The following PLPPR1 variants were observed in gnomAD, a reference collection of about 807,000 sequenced individuals.
PLPPR1 encodes the protein phospholipid phosphatase-related protein type 1.
Under a neutral mutation model 33.1 loss-of-function variants are expected in PLPPR1, and 10 were observed. The ratio of observed to expected loss-of-function variants is 0.30; its 90% CI spans 0.19 to 0.51. The LOEUF (loss-of-function observed/expected upper bound fraction) is 0.51. PLPPR1 is among the 20% of genes least tolerant of loss of function. The pLI is 0.97. For synonymous variants in PLPPR1, 151 were observed against 151.0 expected, an observed-to-expected ratio of 1.00 and a Z score of 0.00; for missense variants, 304 against 408.1, an observed-to-expected ratio of 0.74 and a Z score of 2.20.
intron 5 of PLPPR1, among the ~76,000 whole-genome samples, chr9:101,311,368 C>T (rs936655337): frequency 6.6e-6 from 1 of 152,174 alleles, no homozygotes; most frequent in Non-Finnish European, 1.5e-5. Context: ...ATCTTCTGAG[C>T]CGCTATTACA....
At chr9:101,211,142 T>C (rs1411169702) in intron 2 of PLPPR1, among the ~76,000 whole-genome samples, 1 of 152,118 alleles carries the variant, frequency 6.6e-6, no homozygotes, top group Non-Finnish European at 1.5e-5. Flanking sequence ...TCAGAAAAGA[T>C]AGGGGATTTC....
At chr9:101,183,918 A>G (rs1472785302) in intron 1 of PLPPR1, among the ~76,000 whole-genome samples, 1 of 151,750 alleles carries the variant, frequency 6.6e-6, no homozygotes, top group African/African-American at 2.4e-5. Flanking sequence ...CTTCTTGAAC[A>G]TGATTAATAT....
At chr9:101,164,714 A>G (rs1255895808) in intron 1 of PLPPR1, among the ~76,000 whole-genome samples, 2 of 152,072 alleles carry the variant, frequency 1.3e-5, no homozygotes, top group African/African-American at 2.4e-5. Flanking sequence ...ACATTTTGAT[A>G]GCATTATAAA....
At chr9:101,283,452 A>T (rs1828337075) in intron 3 of PLPPR1, among the ~76,000 whole-genome samples, 1 of 152,240 alleles carries the variant, frequency 6.6e-6, no homozygotes, top group Non-Finnish European at 1.5e-5. Flanking sequence ...AAAACTGGCT[A>T]TCCACATGCA....
intron 2 of PLPPR1, among the ~76,000 whole-genome samples, chr9:101,233,824 A>G (rs960618394): frequency 1.3e-5 from 2 of 151,976 alleles, no homozygotes; most frequent in African/African-American, 4.8e-5. Flanking sequence ...TCAGTTATTC[A>G]GAAAGTGGCC....
chr9:101,323,640 T>C (rs1315786597), intron 7 of PLPPR1, among the ~76,000 whole-genome samples: 3 of 151,874 alleles, frequency 2.0e-5, no homozygotes. Context: ...GGGAGTTCGA[T>C]ACCAGCCTGA....
chr9:101,034,755 G>T (rs1829989557), intron 1 of PLPPR1, among the ~76,000 whole-genome samples: 1 of 151,632 alleles, frequency 6.6e-6, no homozygotes, highest in Non-Finnish European at 1.5e-5. Context: ...AAAACATAAA[G>T]CTTTGACTTT....
At chr9:101,113,270 G>A (rs1432291907) in intron 1 of PLPPR1, among the ~76,000 whole-genome samples, 3 of 150,514 alleles carry the variant, frequency 2.0e-5, no homozygotes, top group Non-Finnish European at 4.4e-5. Flanking sequence ...CTAAATACTG[G>A]TTCTGATTTA....
intron 1 of PLPPR1, among the ~76,000 whole-genome samples, chr9:101,077,121 C>T (rs1345526721): frequency 1.3e-5 from 2 of 152,144 alleles, no homozygotes; most frequent in African/African-American, 2.4e-5. Context: ...CCTCACACCC[C>T]ATTGATGCCA....
intron 2 of PLPPR1, among the ~76,000 whole-genome samples, chr9:101,205,832 T>C (rs1311021843): frequency 6.6e-6 from 1 of 152,218 alleles, no homozygotes; most frequent in Non-Finnish European, 1.5e-5. Flanking sequence ...ACTTACAGGC[T>C]TGTGTAAAAT....
chr9:101,226,778 G>A (rs1043504816), intron 2 of PLPPR1, among the ~76,000 whole-genome samples: 4 of 151,800 alleles, frequency 2.6e-5, no homozygotes, highest in Non-Finnish European at 2.9e-5. Flanking sequence ...ATTTTTTTAA[G>A]TTGTTATACT....
intron 1 of PLPPR1, among the ~76,000 whole-genome samples, chr9:101,066,599 T>A (rs1415202685): frequency 6.6e-6 from 1 of 152,072 alleles, no homozygotes; most frequent in Non-Finnish European, 1.5e-5. Flanking sequence ...TAGGTTATAA[T>A]CCTATACTAC....
chr9:101,172,063 C>T (rs145878884), intron 1 of PLPPR1, among the ~76,000 whole-genome samples: 1 of 152,134 alleles, frequency 6.6e-6, no homozygotes, highest in Non-Finnish European at 1.5e-5. Context: ...ATACCACTCT[C>T]CCTTAATTCT....
chr9:101,073,538 G>A (rs1304447647), intron 1 of PLPPR1, among the ~76,000 whole-genome samples: 1 of 151,892 alleles, frequency 6.6e-6, no homozygotes, highest in Non-Finnish European at 1.5e-5. Context: ...CAGTTCATTA[G>A]CTTGAATAAG....
chr9:101,318,636 T>G (rs930980717), intron 7 of PLPPR1, among the ~76,000 whole-genome samples: 2 of 152,006 alleles, frequency 1.3e-5, no homozygotes, highest in Admixed American at 1.3e-4. Flanking sequence ...TAGCCCGGCA[T>G]GGTAGCGCAT....
intron 1 of PLPPR1, among the ~76,000 whole-genome samples, chr9:101,132,670 T>C (rs1831326772): frequency 6.6e-6 from 1 of 152,192 alleles, no homozygotes; most frequent in Non-Finnish European, 1.5e-5. Context: ...TGGATGCTTA[T>C]GATGTGTCAG....
intron 2 of PLPPR1, among the ~76,000 whole-genome samples, chr9:101,247,763 C>A (rs1827639485): frequency 6.6e-6 from 1 of 151,978 alleles, no homozygotes; most frequent in African/African-American, 2.4e-5. Flanking sequence ...CACTGGCCCC[C>A]AGGTAGAGGG....
rs545391652 is a variant in PLPPR1 at position 101,033,786 on chromosome 9, C to T, written c.-46+4684C>T. Among the ~76,000 whole-genome samples, 3 of 152,222 alleles carry T rather than the reference C, an allele frequency of 2.0e-5. No homozygotes were observed. The South Asian group carries it at 6.2e-4, about 32-fold the overall frequency. Reference sequence around the variant, plus strand: ...GCTGAAGCAGCTGAAACAGAGAGGTCCCAGTAGCTTGTCCATAGCTACCAA... The same window carrying T: ...GCTGAAGCAGCTGAAACAGAGAGGTTCCAGTAGCTTGTCCATAGCTACCAA... On this transcript the variant is annotated intron_variant, in intron 1 of 7. Coordinates refer to ENST00000374874, the MANE Select transcript of PLPPR1 (RefSeq NM_207299.2).
At chr9:101,265,634 C>CAGAA in intron 2 of PLPPR1, among the ~76,000 whole-genome samples, 1 of 152,310 alleles carries the variant, frequency 6.6e-6, no homozygotes, top group East Asian at 1.9e-4. Flanking sequence ...GATCTCTCTG[C>CAGAA]TCATGGAGAC....
Sources: gnomAD v4.1 joint callset for allele counts (sites outside exome capture counted in the v4.1 genomes callset) on GRCh38, gnomAD v4.1.1 for gene constraint, MANE v1.5 for transcripts, NCBI Gene and HGNC (gene_info 2026-07-23, HGNC 2026-07-21) for gene names.